Variants in KCNJ13 observed in about 807,000 individuals in gnomAD.
KCNJ13 encodes inward rectifier potassium channel 13.
A neutral mutation model predicts 24.6 loss-of-function variants in KCNJ13; 9 were observed. The observed-to-expected ratio is 0.37, with a 90% CI of 0.22 to 0.64. The LOEUF is 0.64. Among genes scored for constraint, KCNJ13 ranks in the 30% least tolerant of loss-of-function variants. The pLI is 0.64. For synonymous variants in KCNJ13, 148 were observed against 154.7 expected, an observed-to-expected ratio of 0.96 and a Z score of 0.32; for missense variants, 337 against 443.8, an observed-to-expected ratio of 0.76 and a Z score of 2.16.
chr2:232,774,464 AGAGAG>A (rs1377336999), intron 1 of KCNJ13, among the ~76,000 whole-genome samples: 1 of 152,220 alleles, frequency 6.6e-6, no homozygotes, highest in African/African-American at 2.4e-5. Flanking sequence ...AAAGCAATGT[AGAGAG>A]GAGAGTTATG....
intron 1 of KCNJ13, 38 bp downstream of exon 1, chr2:232,776,407 A>G (rs776113291): frequency 5.1e-6 from 8 of 1,569,504 alleles, no homozygotes; most frequent in Non-Finnish European, 6.1e-6. Context: ...CCTGTTTCCC[A>G]TAAGGAAAGA....
In KCNJ13 at chr2:232,771,336, A is replaced by T. The variant is rs143726189; in HGVS notation, c.27T>A (p.Ile9=). 31 of 1,612,844 alleles carry T rather than the reference A, an allele frequency of 1.9e-5. No homozygotes were observed. The highest frequency in any genetic ancestry group is 3.3e-5 in the Admixed American group (2 of 59,854). ...GGTATCTTTGACTTAGGAGAGGAGC[A>T]ATAACTTTGCAATTACTGCTGTCCA... The part of the protein sequence containing the change: MDSSNCKV[I]APLLSQRYRR... The change falls in exon 2 of 3, where the codon ATT becomes ATA. Residue 9 remains isoleucine (I), a synonymous_variant. Coordinates refer to ENST00000233826, the MANE Select transcript of KCNJ13 (RefSeq NM_002242.4).
At chr2:232,771,584 C>G (rs954772406) in intron 1 of KCNJ13, among the ~76,000 whole-genome samples, 6 of 152,118 alleles carry the variant, frequency 3.9e-5, no homozygotes, top group African/African-American at 1.4e-4. Flanking sequence ...AATATCTCTT[C>G]TATTGTTTCT....
intron 1 of KCNJ13, among the ~76,000 whole-genome samples, chr2:232,773,694 G>A (rs1288294582): frequency 6.6e-6 from 1 of 151,888 alleles, no homozygotes; most frequent in African/African-American, 2.4e-5. Flanking sequence ...TATATATATT[G>A]TTTAGCATGT....
intron 1 of KCNJ13, among the ~76,000 whole-genome samples, chr2:232,774,547 A>T (rs1337560161): frequency 6.6e-6 from 1 of 152,230 alleles, no homozygotes; most frequent in Non-Finnish European, 1.5e-5. Flanking sequence ...TACTGTCATT[A>T]TAAATAAAAT....
chr2:232,768,105 G>GAAA lies in KCNJ13; in HGVS notation c.*83_*85dup. On this transcript the variant is annotated 3_prime_UTR_variant, in exon 3 of 3. Transcript: ENST00000233826. ...GATGTAGAGAGCTATAATTAGCATT[G>GAAA]AAAAAAGAAAACATGAGATACAGTA... 2.2e-6 allele frequency: 3 copies of GAAA among 1,379,386 alleles called. No homozygotes were observed. In the Admixed American group the frequency reaches 5.1e-5, roughly 23 times the overall value. The allele number at this position is 1,379,386 out of a possible 1,614,324, so 85.4% of individuals were successfully genotyped here. A position where few individuals can be genotyped will look rare whatever the true frequency, so the allele number is the denominator to read the frequency against.
intron 1 of KCNJ13, among the ~76,000 whole-genome samples, chr2:232,774,579 T>G (rs539962098): frequency 7.2e-5 from 11 of 152,274 alleles, no homozygotes; most frequent in African/African-American, 2.4e-4. Context: ...AATAAAAGAT[T>G]TTGACACATG....
At position 232,766,039 on chromosome 2, in the gene KCNJ13, G is replaced by A. The variant is rs191606103; in HGVS notation, c.*2152C>T. 7 of 470,684 alleles carry A rather than the reference G, an allele frequency of 1.5e-5. No homozygotes were observed. Among genetic ancestry groups the A allele is most frequent in the East Asian group, 7.0e-5 (1 of 14,382 alleles). 29.2% of individuals were successfully genotyped at this position (470,684 alleles called of 1,614,324 possible). On this transcript the variant is annotated 3_prime_UTR_variant, in exon 3 of 3. Transcript: ENST00000233826. ...CCATTCCTCCCTCCCAGTAATTTCC[G>A]CCCTTTTTCCATTGTTACTTCCTTT...
intron 2 of KCNJ13, 53 bp from the exon 3 acceptor site, chr2:232,768,866 A>G: frequency 1.4e-6 from 2 of 1,458,202 alleles, no homozygotes; most frequent in Admixed American, 4.0e-5. Context: ...AAATATCAAT[A>G]CTTTTTCTGA....
At position 232,774,696 on chromosome 2, in the gene KCNJ13, C is replaced by T. The variant is rs576650526; in HGVS notation, c.-17+1749G>A. ...GCTTCCTGCCTATGTGAAAATGCCC[C>T]TCATGCTCCTGGACACTAGTGCTTG... On this transcript the variant is annotated intron_variant, in intron 1 of 2. Coordinates refer to ENST00000233826, the MANE Select transcript of KCNJ13 (RefSeq NM_002242.4). 2.6e-5 allele frequency among the ~76,000 whole-genome samples: 4 copies of T among 152,278 alleles called. No homozygotes were observed. In the East Asian group the frequency reaches 5.8e-4, roughly 22 times the overall value.
At chr2:232,771,477 C>A in intron 1 of KCNJ13, 99 bp from the exon 2 acceptor site, 1 of 719,406 alleles carries the variant, frequency 1.4e-6, no homozygotes, top group Non-Finnish European at 2.2e-6. Flanking sequence ...GGGAATGCTT[C>A]TCTAACCACA....
rs116394335 is a variant in KCNJ13, at chr2:232,775,936, G to C, written c.-17+509C>G. On this transcript the variant is annotated intron_variant, in intron 1 of 2. Coordinates refer to ENST00000233826, the MANE Select transcript of KCNJ13 (RefSeq NM_002242.4). ...GTTCTAACCCTGTTATATAAGCTCA[G>C]AGATTCTATTTTAATTTCTCAGTTG... Among the ~76,000 whole-genome samples the C allele has an allele frequency of 5.1e-3, 781 of 152,276 alleles. 4 individuals carry two copies. The highest frequency in any genetic ancestry group is 0.018 in the African/African-American group (756 of 41,562).
chr2:232,771,970 A>G (rs1408071567), intron 1 of KCNJ13, among the ~76,000 whole-genome samples: 4 of 152,272 alleles, frequency 2.6e-5, no homozygotes, highest in Non-Finnish European at 2.9e-5. Context: ...TAATTAGCCT[A>G]TTCAGAGTTT....
rs1197822316 is a variant in KCNJ13 at position 232,768,203 on chromosome 2, T to C, written c.1071A>G (p.Gly357=). The C allele has an allele frequency of 6.2e-7, 1 of 1,614,074 alleles. No homozygotes were observed. The highest frequency in any genetic ancestry group is 1.7e-5 in the Admixed American group (1 of 60,018). Residue 357 remains glycine (G), a synonymous_variant, in exon 3 of 3, where the codon GGA becomes GGG. Coordinates refer to ENST00000233826, the MANE Select transcript of KCNJ13 (RefSeq NM_002242.4). ...SIDNFQISET[G]LTE ...AAATGGATAAGTCTTATTCTGTCAGTCCTGTTTCAGAGATCTGAAAATTGT... is the reference window on the plus strand; with the variant it reads ...AAATGGATAAGTCTTATTCTGTCAGCCCTGTTTCAGAGATCTGAAAATTGT...
At chr2:232,771,600 T>A (rs912383291) in intron 1 of KCNJ13, among the ~76,000 whole-genome samples, 14 of 152,334 alleles carry the variant, frequency 9.2e-5, no homozygotes, top group Admixed American at 9.2e-4. Flanking sequence ...TTTCTTTGAA[T>A]GACAGTTAAA....
intron 1 of KCNJ13, among the ~76,000 whole-genome samples, chr2:232,773,645 A>G (rs903988488): frequency 6.6e-6 from 1 of 152,096 alleles, no homozygotes; most frequent in Admixed American, 6.5e-5. Context: ...AACTTTGTTC[A>G]TGATTCTTTA....
At chr2:232,772,835 G>C (rs1407517292) in intron 1 of KCNJ13, among the ~76,000 whole-genome samples, 1 of 152,180 alleles carries the variant, frequency 6.6e-6, no homozygotes, top group Non-Finnish European at 1.5e-5. Context: ...CTACAGACTT[G>C]TGGAGCTAGG....
Position 232,766,061 on chromosome 2 carries a change from C to A in KCNJ13, c.*2130G>T. On this transcript the variant is annotated 3_prime_UTR_variant, in exon 3 of 3. Transcript: ENST00000233826. The stretch of plus-strand genomic sequence containing the variant: ...TCCGCCCTTTTTCCATTGTTACTTC[C>A]TTTTCCTCAGAGGATAATGGTCTTT... The A allele has an allele frequency of 2.1e-6, 1 of 470,630 alleles. No individual in the cohort carries two copies. Among genetic ancestry groups the A allele is most frequent in the Non-Finnish European group, 4.4e-6 (1 of 226,786 alleles). 29.2% of individuals were successfully genotyped at this position (470,630 alleles called of 1,614,324 possible).
Position 232,771,519 on chromosome 2 carries a change from G to A in KCNJ13, c.-16-141C>T, listed in dbSNP as rs953411211. 38 of 556,794 alleles carry A rather than the reference G, an allele frequency of 6.8e-5. No individual in the cohort carries two copies. In the Middle Eastern group the frequency reaches 2.3e-3, roughly 34 times the overall value. 34.5% of individuals were successfully genotyped at this position (556,794 alleles called of 1,614,324 possible). A position where few individuals can be genotyped will look rare whatever the true frequency, so the allele number is the denominator to read the frequency against. ...CCAACTCTCTCGCTTTTCTCTTCACGTTAGATGGCATTTACTAAGTCATTC... is the reference window on the plus strand; with the variant it reads ...CCAACTCTCTCGCTTTTCTCTTCACATTAGATGGCATTTACTAAGTCATTC... On this transcript the variant is annotated intron_variant, in intron 1 of 2. Coordinates refer to ENST00000233826, the MANE Select transcript of KCNJ13 (RefSeq NM_002242.4).
Sources: gnomAD v4.1 joint callset for allele counts (sites outside exome capture counted in the v4.1 genomes callset) on GRCh38, gnomAD v4.1.1 for gene constraint, MANE v1.5 for transcripts, NCBI Gene and HGNC (gene_info 2026-07-23, HGNC 2026-07-21) for gene names.